The following NOL10 variants were observed in gnomAD, a reference collection of about 807,000 sequenced individuals.
NOL10 encodes nucleolar protein 10, also known as H_NH0074G24.1.
Under a neutral mutation model 103.5 loss-of-function variants are expected in NOL10, and 58 were observed. The observed-to-expected ratio is 0.56, with a 90% CI of 0.45 to 0.70. NOL10 has a LOEUF of 0.70. Among genes scored for constraint, NOL10 ranks in the 30% least tolerant of loss-of-function variants. NOL10 has a pLI of 0.00. For missense variants in NOL10, 763 were observed against 807.3 expected (o/e 0.95, Z 0.67); for synonymous variants, 287 against 282.5 (o/e 1.02, Z -0.16).
At chr2:10,681,665 G>A (rs1325766807) in intron 3 of NOL10, among the ~76,000 whole-genome samples, 2 of 152,184 alleles carry the variant, frequency 1.3e-5, no homozygotes, top group African/African-American at 4.8e-5. Flanking sequence ...TATACTTGCT[G>A]AAGTGTTTCA....
intron 1 of NOL10, among the ~76,000 whole-genome samples, chr2:10,685,371 T>TA (rs1267600041): frequency 1.3e-5 from 2 of 150,896 alleles, no homozygotes; most frequent in African/African-American, 4.9e-5. Flanking sequence ...TGGGCACCTG[T>TA]AATCCCAGCT....
At chr2:10,680,422 A>G (rs2148360796) in intron 3 of NOL10, among the ~76,000 whole-genome samples, 1 of 151,510 alleles carries the variant, frequency 6.6e-6, no homozygotes, top group South Asian at 2.1e-4. Context: ...AAAAGGAACC[A>G]TTAATTTTGC....
intron 14 of NOL10, among the ~76,000 whole-genome samples, chr2:10,606,127 G>A (rs557260553): frequency 1.3e-5 from 2 of 152,232 alleles, no homozygotes; most frequent in Non-Finnish European, 2.9e-5. Context: ...AACATGTCCT[G>A]CAGGGGCTGG....
chr2:10,602,739 C>T (rs372906754), intron 16 of NOL10, 37 bp downstream of exon 16: 7 of 1,269,402 alleles, frequency 5.5e-6, no homozygotes, highest in Non-Finnish European at 7.8e-6. Flanking sequence ...ATTAAGTACT[C>T]TTCTCTGATA....
chr2:10,668,657 C>T lies in NOL10; in HGVS notation c.530+1G>A. The T allele has an allele frequency of 1.3e-6, 2 of 1,509,068 alleles. No homozygotes were observed. The highest frequency in any genetic ancestry group is 1.4e-5 in the African/African-American group (1 of 73,282). The allele number at this position is 1,509,068 out of a possible 1,614,324, so 93.5% of individuals were successfully genotyped here. Reference sequence around the variant, plus strand: ...ATAGCAGAATTACTAAAACTACTCACGCAGCATCAGTTTGTAGAGGATTCA... The same window carrying T: ...ATAGCAGAATTACTAAAACTACTCATGCAGCATCAGTTTGTAGAGGATTCA... On this transcript the variant is annotated splice_donor_variant, in intron 7 of 20. Coordinates refer to ENST00000381685, the MANE Select transcript of NOL10 (RefSeq NM_024894.4). LOFTEE classifies it high-confidence loss of function.
At chr2:10,638,791 CCT>C (rs1678493612) in intron 13 of NOL10, among the ~76,000 whole-genome samples, 1 of 108,154 alleles carries the variant, frequency 9.2e-6, no homozygotes, top group Non-Finnish European at 1.8e-5. Context: ...CCGTGCCTGG[CCT>C]TTTTTTTTTT....
At chr2:10,613,275 G>A (rs549075572) in intron 13 of NOL10, among the ~76,000 whole-genome samples, 19 of 152,224 alleles carry the variant, frequency 1.2e-4, no homozygotes, top group Non-Finnish European at 2.5e-4. Context: ...TTATGTGGAA[G>A]GACTAAATTA....
intron 3 of NOL10, among the ~76,000 whole-genome samples, chr2:10,680,758 G>A (rs1244308474): frequency 1.3e-5 from 2 of 152,160 alleles, no homozygotes; most frequent in African/African-American, 4.8e-5. Context: ...GAAAGTGGTT[G>A]GAAAAGGAAT....
chr2:10,643,925 T>C (rs971003146), intron 13 of NOL10, among the ~76,000 whole-genome samples: 4 of 152,158 alleles, frequency 2.6e-5, no homozygotes, highest in Non-Finnish European at 2.9e-5. Flanking sequence ...CAGCCACATG[T>C]AGACCCAGGT....
intron 13 of NOL10, among the ~76,000 whole-genome samples, chr2:10,636,420 C>CAA (rs70953327): frequency 0.15 from 8,243 of 54,668 alleles, 1,299 homozygotes; most frequent in Non-Finnish European, 0.2. Context: ...TACAAAAAAC[C>CAA]AAAAAAAAAA....
chr2:10,619,996 G>A (rs192113921), intron 13 of NOL10, among the ~76,000 whole-genome samples: 8 of 152,194 alleles, frequency 5.3e-5, no homozygotes, highest in Non-Finnish European at 7.4e-5. Flanking sequence ...ACATGCACAC[G>A]CACACATGCC....
At chr2:10,577,792 C>G in intron 19 of NOL10, 54 bp from the exon 20 acceptor site, 1 of 1,192,448 alleles carries the variant, frequency 8.4e-7, no homozygotes, top group South Asian at 1.4e-5. Context: ...TTTAATTTAC[C>G]ATTTGAAACA....
chr2:10,684,758 A>T, intron 1 of NOL10, 146 bp from the exon 2 acceptor site: 3 of 607,034 alleles, frequency 4.9e-6, no homozygotes, highest in East Asian at 2.8e-5. Context: ...TCTAATCCTA[A>T]CTCTACTCGT....
chr2:10,664,779 A>C (rs1399734494), intron 8 of NOL10, among the ~76,000 whole-genome samples: 1 of 152,120 alleles, frequency 6.6e-6, no homozygotes, highest in Non-Finnish European at 1.5e-5. Context: ...CAAGCGTTCC[A>C]CCCACTCGCA....
Position 10,689,822 on chromosome 2 carries a change from G to A in NOL10, c.40C>T (p.Leu14Phe), listed in dbSNP as rs199502696. The change falls in exon 1 of 21, where the codon CTC becomes TTC. Residue 14 changes from leucine (L) to phenylalanine (F), a missense_variant. Transcript: ENST00000381685. The stretch of plus-strand genomic sequence containing the variant: ...TCAGGAAGGGACTTGCCGCAGCTGA[G>A]GCTGTAAATCTTCACCTCATTGAGG... ...SSLNEVKIYS[L>F]SCGKSLPEWL... 4.7e-5 allele frequency: 76 copies of A among 1,607,696 alleles called. No homozygotes were observed. The highest frequency in any genetic ancestry group is 5.9e-5 in the Non-Finnish European group (69 of 1,177,326).
chr2:10,577,126 A>G (rs1408425187), intron 20 of NOL10, among the ~76,000 whole-genome samples: 1 of 152,216 alleles, frequency 6.6e-6, no homozygotes, highest in Non-Finnish European at 1.5e-5. Context: ...GAATAGAATG[A>G]CCACGGGCAG....
chr2:10,633,346 G>A (rs976826957), intron 13 of NOL10, among the ~76,000 whole-genome samples: 8 of 151,756 alleles, frequency 5.3e-5, no homozygotes, highest in East Asian at 1.9e-4. Context: ...GGGTACCACC[G>A]CAAAAGGCTC....
At chr2:10,661,530 C>A (rs1223613049) in intron 9 of NOL10, among the ~76,000 whole-genome samples, 1 of 152,060 alleles carries the variant, frequency 6.6e-6, no homozygotes, top group East Asian at 1.9e-4. Context: ...CACCACCATG[C>A]CCGGCTAATT....
intron 13 of NOL10, among the ~76,000 whole-genome samples, chr2:10,637,368 A>G (rs1202892379): frequency 6.6e-6 from 1 of 152,110 alleles, no homozygotes; most frequent in Non-Finnish European, 1.5e-5. Flanking sequence ...CATTTCCCTA[A>G]AACTGACTTC....
Sources: gnomAD v4.1 joint callset for allele counts (sites outside exome capture counted in the v4.1 genomes callset) on GRCh38, gnomAD v4.1.1 for gene constraint, MANE v1.5 for transcripts, NCBI Gene and HGNC (gene_info 2026-07-23, HGNC 2026-07-21) for gene names.